NFATC2: variants seen among roughly 807,000 people sequenced by gnomAD.
NFATC2 encodes nuclear factor of activated T-cells, cytoplasmic 2.
In NFATC2, 22 loss-of-function variants were observed where a neutral mutation model predicts 87.3. That is an observed-to-expected ratio of 0.25 (90% CI 0.18 to 0.36). NFATC2 has a LOEUF of 0.36. NFATC2 is among the 10% of genes least tolerant of loss of function. NFATC2 has a pLI of 1.00. For missense variants in NFATC2, 1,149 were observed against 1,259.1 expected (o/e 0.91, Z 1.32); for synonymous variants, 565 against 542.2 (o/e 1.04, Z -0.58).
rs12481359 is a variant in NFATC2 at position 51,477,860 on chromosome 20, A to T, written c.1333-2200T>A. On this transcript the variant is annotated intron_variant, in intron 3 of 10. Coordinates refer to ENST00000371564, the MANE Select transcript of NFATC2 (RefSeq NM_012340.5). Reference sequence around the variant, plus strand: ...GTGCAATCTAATGCAAGAGCCACTAACCACATGTATATATTAATTAAAATT... The same window carrying T: ...GTGCAATCTAATGCAAGAGCCACTATCCACATGTATATATTAATTAAAATT... 1.9e-3 allele frequency among the ~76,000 whole-genome samples: 288 copies of T among 152,212 alleles called. 7 individuals are homozygous for T. Among genetic ancestry groups the T allele is most frequent in the Admixed American group, 0.017 (260 of 15,286 alleles).
intron 6 of NFATC2, among the ~76,000 whole-genome samples, chr20:51,447,902 C>A (rs1444778807): frequency 1.3e-5 from 2 of 152,238 alleles, no homozygotes; most frequent in Non-Finnish European, 2.9e-5. Context: ...ACCTCTGTCA[C>A]CAGTTGTGGG....
chr20:51,497,670 G>A (rs899706277), intron 3 of NFATC2, among the ~76,000 whole-genome samples: 4 of 152,106 alleles, frequency 2.6e-5, no homozygotes, highest in African/African-American at 9.7e-5. Flanking sequence ...CTTTGCTCAC[G>A]GAGGAGTGAG....
At chr20:51,470,332 T>A (rs1988086501) in intron 5 of NFATC2, among the ~76,000 whole-genome samples, 1 of 152,118 alleles carries the variant, frequency 6.6e-6, no homozygotes, top group Admixed American at 6.5e-5. Context: ...TCGGCAATGC[T>A]GAAGCCCTAG....
chr20:51,523,996 G>A lies in NFATC2; in HGVS notation c.245C>T (p.Pro82Leu). Residue 82 changes from proline to leucine, a missense_variant, in exon 2 of 11, where the codon CCC becomes CTC. Coordinates refer to ENST00000371564, the MANE Select transcript of NFATC2 (RefSeq NM_012340.5). The surrounding 1 kb of genome is among the most constrained non-coding windows in gnomAD (Gnocchi z 6.9). ...ATCCGGCTCTCCGAATCGGCCGGGG[G>A]GCTCGCCAGAGAGACTAGCAAGGGG... The part of the protein sequence containing the change: ...YSPLASLSGE[P>L]PGRFGEPDRV... 2.5e-6 allele frequency: 4 copies of A among 1,569,336 alleles called. No homozygotes were observed. Among genetic ancestry groups the A allele is most frequent in the Non-Finnish European group, 3.4e-6 (4 of 1,163,264 alleles).
chr20:51,471,555 A>C (rs1300753048), intron 5 of NFATC2, among the ~76,000 whole-genome samples: 1 of 152,178 alleles, frequency 6.6e-6, no homozygotes, highest in Non-Finnish European at 1.5e-5. Context: ...ATTCAGACTG[A>C]TCCACGTCTT....
intron 3 of NFATC2, among the ~76,000 whole-genome samples, chr20:51,481,807 A>G (rs1371205065): frequency 1.3e-5 from 2 of 152,320 alleles, no homozygotes; most frequent in East Asian, 1.9e-4. Context: ...ATCCCGCCAC[A>G]GTTAGCTATA....
chr20:51,449,678 G>T (rs1367731073), intron 6 of NFATC2, among the ~76,000 whole-genome samples: 1 of 152,186 alleles, frequency 6.6e-6, no homozygotes, highest in Non-Finnish European at 1.5e-5. Context: ...AGTCCAAGGT[G>T]TGGGGTCTAG....
chr20:51,474,498 C>T (rs1387792293), intron 4 of NFATC2, among the ~76,000 whole-genome samples: 2 of 152,128 alleles, frequency 1.3e-5, no homozygotes, highest in African/African-American at 4.8e-5. Context: ...AATAAATGTA[C>T]TGTGATTGTG....
At chr20:51,542,224 C>A in intron 1 of NFATC2, 146 bp downstream of exon 1, 1 of 1,021,878 alleles carries the variant, frequency 9.8e-7, no homozygotes, top group South Asian at 2.1e-5. Context: ...CTGACGCCTC[C>A]CCTCCCTGGC....
chr20:51,399,619 C>T (rs996259237), intron 9 of NFATC2, among the ~76,000 whole-genome samples: 1 of 152,226 alleles, frequency 6.6e-6, no homozygotes, highest in African/African-American at 2.4e-5. Context: ...CAATGTTGGG[C>T]TCCAACAGGA....
chr20:51,450,339 A>T (rs960948350), intron 6 of NFATC2, among the ~76,000 whole-genome samples: 19 of 152,304 alleles, frequency 1.2e-4, no homozygotes, highest in Admixed American at 8.5e-4. Flanking sequence ...AATGATGACT[A>T]TGTCCTGAGT....
At chr20:51,477,554 TATATATATATATATATATATATATATAA>T (rs1269447902) in intron 3 of NFATC2, among the ~76,000 whole-genome samples, 12 of 118,326 alleles carry the variant, frequency 1.0e-4, no homozygotes, top group Admixed American at 4.2e-4. Context: ...TATATATATA[TATATATATATATATATATATATATATAA>T]AATAACAAGA....
upstream of NFATC2, among the ~76,000 whole-genome samples, chr20:51,545,574 T>C (rs1459762759): frequency 6.6e-6 from 1 of 152,048 alleles, no homozygotes; most frequent in Non-Finnish European, 1.5e-5. Flanking sequence ...GAATGGAAGA[T>C]GGATGCATGG....
intron 9 of NFATC2, among the ~76,000 whole-genome samples, chr20:51,424,260 T>C (rs1981423458): frequency 6.6e-6 from 1 of 152,182 alleles, no homozygotes; most frequent in Admixed American, 6.5e-5. Context: ...TTGCTGAACC[T>C]TTGCTGAATT....
chr20:51,499,286 T>C (rs1311126718), intron 3 of NFATC2, among the ~76,000 whole-genome samples: 9 of 152,018 alleles, frequency 5.9e-5, no homozygotes, highest in Non-Finnish European at 1.2e-4. Flanking sequence ...GAGATGATGC[T>C]AGCTTGGCCC....
At chr20:51,473,227 G>A (rs1373634378) in intron 5 of NFATC2, among the ~76,000 whole-genome samples, 7 of 152,206 alleles carry the variant, frequency 4.6e-5, no homozygotes, top group South Asian at 2.1e-4. Flanking sequence ...TCTCCAGACC[G>A]TAAGCTCATT....
chr20:51,558,581 T>C (rs2076997751), intron 1 of NFATC2, among the ~76,000 whole-genome samples: 3 of 152,136 alleles, frequency 2.0e-5, no homozygotes, highest in Admixed American at 2.0e-4. Context: ...TATTGTTTAT[T>C]AAAGGATTGA....
intron 9 of NFATC2, among the ~76,000 whole-genome samples, chr20:51,400,437 C>CT (rs2146236602): frequency 6.7e-6 from 1 of 148,360 alleles, no homozygotes; most frequent in African/African-American, 2.5e-5. Context: ...CTTCAAACAC[C>CT]AAACCACATG....
rs142035736 is a variant in NFATC2, at chr20:51,398,700, T to G, written c.2753A>C (p.Gln918Pro). The G allele has an allele frequency of 1.1e-4, 180 of 1,613,318 alleles. No individual in the cohort carries two copies. Among genetic ancestry groups the G allele is most frequent in the Non-Finnish European group, 1.4e-4 (168 of 1,179,670 alleles). ...ELIDTHLSWIQNIL is the reference protein window; with the variant it reads ...ELIDTHLSWIPNIL ...AGTCATTCTGTTTCATAATATGTTT[T>G]GTATCCAGCTAAGGTGTGTGTCTAT... The change falls in exon 10 of 11, where the codon CAA (glutamine) becomes CCA (proline). Residue 918 changes from glutamine to proline, a missense_variant. This residue lies in a region of NFATC2 where 581 missense variants were observed against 649.7 expected (regional missense o/e 0.89). Transcript: ENST00000371564.
Sources: gnomAD v4.1 joint callset for allele counts (sites outside exome capture counted in the v4.1 genomes callset) on GRCh38, gnomAD v4.1.1 for gene constraint, gnomAD v4.1.1 regional missense constraint, Gnocchi (gnomAD v3.1) non-coding constraint, MANE v1.5 for transcripts, NCBI Gene and HGNC (gene_info 2026-07-23, HGNC 2026-07-21) for gene names.